Variants in CADPS observed in about 807,000 individuals in gnomAD.
CADPS encodes the protein calcium dependent secretion activator.
In CADPS, 57 loss-of-function variants were observed where a neutral mutation model predicts 167.3. That is an observed-to-expected ratio of 0.34 (90% CI 0.28 to 0.42). The LOEUF (loss-of-function observed/expected upper bound fraction) is 0.42, where lower values mean the gene tolerates loss of function less well. CADPS is among the 20% of genes least tolerant of loss of function. CADPS has a pLI of 1.00. For missense variants in CADPS, 1,414 were observed against 1,738.1 expected, an observed-to-expected ratio of 0.81 and a Z score of 3.32; for synonymous variants, 676 against 635.3, an observed-to-expected ratio of 1.06 and a Z score of -0.96.
At position 62,399,998 on chromosome 3, in the gene CADPS, T is replaced by C. The variant is rs1705309120; in HGVS notation, c.3883-413A>G. Reference sequence around the variant, plus strand: ...AGTGATTATGGTATTTTGTGATTTCTGTTGCAGTCTTGTTTTAGTATTTTT... The same window carrying C: ...AGTGATTATGGTATTTTGTGATTTCCGTTGCAGTCTTGTTTTAGTATTTTT... On this transcript the variant is annotated intron_variant, in intron 29 of 29. Transcript: ENST00000383710. This position sits in a 1 kb window ranked among gnomAD's most constrained non-coding sequence, Gnocchi z 5.6. Among the ~76,000 whole-genome samples, 1 of 152,264 alleles carries C rather than the reference T, an allele frequency of 6.6e-6. No homozygotes were observed. Among genetic ancestry groups the C allele is most frequent in the Non-Finnish European group, 1.5e-5 (1 of 68,048 alleles).
chr3:62,428,619 A>G (rs2053270617), intron 28 of CADPS, among the ~76,000 whole-genome samples: 1 of 152,138 alleles, frequency 6.6e-6, no homozygotes, highest in African/African-American at 2.4e-5. Flanking sequence ...CATTTTAACA[A>G]TTCCTAAGCT....
chr3:62,443,705 C>T (rs928295029), intron 27 of CADPS, among the ~76,000 whole-genome samples: 11 of 152,094 alleles, frequency 7.2e-5, no homozygotes, highest in Non-Finnish European at 1.2e-4. Flanking sequence ...CTTCCCCTTC[C>T]GCCATGATTG....
chr3:62,602,507 T>C lies in CADPS; in HGVS notation c.1326-9759A>G, dbSNP rs2060119229. ...AAGTTAATAATTGCCTGGAGACAGCTGCATTAAAATCTTGTGGCCTGCCTT... is the reference window on the plus strand; with the variant it reads ...AAGTTAATAATTGCCTGGAGACAGCCGCATTAAAATCTTGTGGCCTGCCTT... On this transcript the variant is annotated intron_variant, in intron 6 of 29. Transcript: ENST00000383710. This position sits in a 1 kb window ranked among gnomAD's most constrained non-coding sequence, Gnocchi z 4.4. Among the ~76,000 whole-genome samples, 1 of 152,172 alleles carries C rather than the reference T, an allele frequency of 6.6e-6. No individual in the cohort carries two copies. Among genetic ancestry groups the C allele is most frequent in the African/African-American group, 2.4e-5 (1 of 41,448 alleles).
intron 3 of CADPS, among the ~76,000 whole-genome samples, chr3:62,678,975 T>C (rs532842262): frequency 6.6e-6 from 1 of 151,926 alleles, no homozygotes; most frequent in Non-Finnish European, 1.5e-5. Flanking sequence ...AAGAAACCCC[T>C]CAGGGTTCCC....
intron 1 of CADPS, among the ~76,000 whole-genome samples, chr3:62,781,879 C>T (rs1201453906): frequency 2.0e-5 from 3 of 152,236 alleles, no homozygotes; most frequent in African/African-American, 7.2e-5. Context: ...GCAGGCCTTA[C>T]AGCCTTCGCT....
At position 62,475,605 on chromosome 3, in the gene CADPS, A is replaced by AAC. The variant is rs1266641408; in HGVS notation, c.3330-1286_3330-1285insGT. Reference sequence around the variant, plus strand: ...TTAAGAAAAAAAAAAAAAAAAAAAAAAAAAAAACACCTAAAAATCCCAAAC... The same window carrying AAC: ...TTAAGAAAAAAAAAAAAAAAAAAAAAACAAAAAAACACCTAAAAATCCCAAAC... On this transcript the variant is annotated intron_variant, in intron 23 of 29. Transcript: ENST00000383710. 6.7e-5 allele frequency among the ~76,000 whole-genome samples: 10 copies of AAC among 149,266 alleles called. 1 individual carries two copies. Among genetic ancestry groups the AAC allele is most frequent in the Non-Finnish European group, 1.2e-4 (8 of 67,412 alleles).
chr3:62,627,862 GC>G (rs1158677062), intron 6 of CADPS, among the ~76,000 whole-genome samples: 1 of 152,050 alleles, frequency 6.6e-6, no homozygotes, highest in African/African-American at 2.4e-5. Flanking sequence ...TCCTCAAAAA[GC>G]CATTATATTT....
Position 62,570,905 on chromosome 3 carries a change from C to T in CADPS, c.1611G>A (p.Lys537=), listed in dbSNP as rs761431688. The change falls in exon 9 of 30, where the codon AAG becomes AAA. Residue 537 remains lysine, a synonymous_variant. Coordinates refer to ENST00000383710, the MANE Select transcript of CADPS (RefSeq NM_003716.4). ...YLWAIGKNVW[K]RWKKRFFVLV... The stretch of plus-strand genomic sequence containing the variant: ...ATACAAAAAACCTTTTCTTCCATCT[C>T]TTCCAGACATTCTTACCGATGGCCC... 6.8e-6 allele frequency: 11 copies of T among 1,611,082 alleles called. No individual in the cohort carries two copies. The highest frequency in any genetic ancestry group is 9.3e-6 in the Non-Finnish European group (11 of 1,177,184).
chr3:62,654,158 A>G (rs2070934483), intron 4 of CADPS, among the ~76,000 whole-genome samples: 1 of 152,202 alleles, frequency 6.6e-6, no homozygotes, highest in Non-Finnish European at 1.5e-5. Context: ...AACCGTCAAG[A>G]TGCGAGGACT....
chr3:62,564,889 G>A (rs2079857425), intron 9 of CADPS, among the ~76,000 whole-genome samples: 2 of 152,116 alleles, frequency 1.3e-5, no homozygotes, highest in African/African-American at 4.8e-5. Flanking sequence ...ACAGGCATGA[G>A]CCACCATGTC....
At chr3:62,737,385 C>T (rs1564492892) in intron 3 of CADPS, among the ~76,000 whole-genome samples, 1 of 151,898 alleles carries the variant, frequency 6.6e-6, no homozygotes, top group East Asian at 1.9e-4. Context: ...AGGAGGATTG[C>T]TGAGCCCAGG....
At chr3:62,406,569 T>G (rs73102535) in intron 28 of CADPS, among the ~76,000 whole-genome samples, 4 of 152,202 alleles carry the variant, frequency 2.6e-5, no homozygotes, top group Admixed American at 2.6e-4. Flanking sequence ...GCTGACGACA[T>G]GTACTAAGTA....
chr3:62,695,370 C>T (rs551770366), intron 3 of CADPS, among the ~76,000 whole-genome samples: 2 of 152,164 alleles, frequency 1.3e-5, no homozygotes, highest in East Asian at 1.9e-4. Context: ...GACAGAGAGC[C>T]AGCAAACAGA....
At chr3:62,549,272 G>C (rs1433926026) in intron 11 of CADPS, among the ~76,000 whole-genome samples, 2 of 152,096 alleles carry the variant, frequency 1.3e-5, no homozygotes, top group Non-Finnish European at 2.9e-5. Flanking sequence ...AGTATTGATA[G>C]ATAAAAGCCA....
At chr3:62,865,928 T>A (rs2081596068) in intron 1 of CADPS, among the ~76,000 whole-genome samples, 1 of 152,140 alleles carries the variant, frequency 6.6e-6, no homozygotes, top group South Asian at 2.1e-4. Context: ...ACTTACAGGT[T>A]CTGTGATACA....
At chr3:62,608,639 T>C (rs1000149882) in intron 6 of CADPS, among the ~76,000 whole-genome samples, 1 of 152,222 alleles carries the variant, frequency 6.6e-6, no homozygotes, top group African/African-American at 2.4e-5. Flanking sequence ...AGACGTATAA[T>C]TAAATATGAT....
chr3:62,403,403 G>A, intron 28 of CADPS: 1 of 353,154 alleles, frequency 2.8e-6, no homozygotes, highest in Non-Finnish European at 5.1e-6. Context: ...ATCTAAGACA[G>A]TTAGGACTTC....
intron 6 of CADPS, among the ~76,000 whole-genome samples, chr3:62,618,156 C>T (rs182548313): frequency 1.3e-5 from 2 of 152,144 alleles, no homozygotes; most frequent in Non-Finnish European, 2.9e-5. Context: ...TACTCCACTG[C>T]AGAATGCAAG....
chr3:62,691,693 A>G (rs1472807419), intron 3 of CADPS, among the ~76,000 whole-genome samples: 1 of 152,036 alleles, frequency 6.6e-6, no homozygotes, highest in East Asian at 1.9e-4. Context: ...AAAACCAAAC[A>G]TTGCATGTTC....
Sources: gnomAD v4.1 joint callset for allele counts (sites outside exome capture counted in the v4.1 genomes callset) on GRCh38, gnomAD v4.1.1 for gene constraint, Gnocchi (gnomAD v3.1) non-coding constraint, MANE v1.5 for transcripts, NCBI Gene and HGNC (gene_info 2026-07-23, HGNC 2026-07-21) for gene names.